Variants in ANO9 observed in about 807,000 individuals in gnomAD.
ANO9 encodes anoctamin-9.
In ANO9, 80 loss-of-function variants were observed where a neutral mutation model predicts 100.5. That is an observed-to-expected ratio of 0.80 (90% CI 0.66 to 0.96). ANO9 has a LOEUF of 0.96. Among genes scored for constraint, ANO9 ranks in the 40% least tolerant of loss-of-function variants. ANO9 has a pLI of 0.00. For missense variants in ANO9, 1,064 were observed against 1,072.7 expected (o/e 0.99, Z 0.11); for synonymous variants, 473 against 435.6 (o/e 1.09, Z -1.07).
intron 19 of ANO9, 25 bp downstream of exon 19, chr11:420,438 C>T: frequency 1.3e-6 from 2 of 1,596,770 alleles, no homozygotes; most frequent in Non-Finnish European, 8.5e-7. Flanking sequence ...CAGTTCCCGC[C>T]CATCCTGCGC....
At chr11:439,831 C>A (rs1206414589) in intron 1 of ANO9, among the ~76,000 whole-genome samples, 1 of 152,180 alleles carries the variant, frequency 6.6e-6, no homozygotes, top group African/African-American at 2.4e-5. Context: ...CTGCCCACCC[C>A]CCGGCCCCTC....
intron 19 of ANO9, 191 bp downstream of exon 19, chr11:420,272 G>GC (rs1848092227): frequency 7.0e-7 from 1 of 1,431,356 alleles, no homozygotes; most frequent in Non-Finnish European, 9.1e-7. Context: ...AAAGCGCTCG[G>GC]CCCCGCCCAC....
At chr11:434,691 G>A (rs1210035518) in intron 1 of ANO9, among the ~76,000 whole-genome samples, 2 of 152,226 alleles carry the variant, frequency 1.3e-5, no homozygotes, top group East Asian at 3.8e-4. Flanking sequence ...CCCTCACAGG[G>A]AGGATCCTGC....
At chr11:419,281 A>G in intron 20 of ANO9, 1 of 1,412,816 alleles carries the variant, frequency 7.1e-7, no homozygotes, top group African/African-American at 1.4e-5. Flanking sequence ...GATAAATCAG[A>G]AGAGGACATG....
chr11:432,736 T>C lies in ANO9; in HGVS notation c.350+578A>G. 1 of 154,510 alleles carries C rather than the reference T, an allele frequency of 6.5e-6. No homozygotes were observed. Among genetic ancestry groups the C allele is most frequent in the Non-Finnish European group, 1.4e-5 (1 of 69,888 alleles). 9.6% of individuals were successfully genotyped at this position (154,510 alleles called of 1,614,324 possible). ...ACTGCCTCGTAACCAATGCCAGGAG[T>C]GTCCTTGGCCGGTCCACCAAGCAGG... is the stretch of plus-strand genomic sequence containing the variant. On this transcript the variant is annotated intron_variant, in intron 4 of 22. Coordinates refer to ENST00000332826, the MANE Select transcript of ANO9 (RefSeq NM_001012302.3). The surrounding 1 kb of genome is among the most constrained non-coding windows in gnomAD (Gnocchi z 4.8).
At position 418,890 on chromosome 11, in the gene ANO9, G is replaced by A. The variant is rs773192364; in HGVS notation, c.2034C>T (p.Cys678=). The part of the protein sequence containing the change: ...GIEGSENVTL[C]RYRDYRNPPD... ...TTGGGGGATGGGGAGTTCCAAACCTGCACAGAGTCACGTTTTCTGAGCCCT... is the reference window on the plus strand; with the variant it reads ...TTGGGGGATGGGGAGTTCCAAACCTACACAGAGTCACGTTTTCTGAGCCCT... The change falls in exon 21 of 23, where the codon TGC becomes TGT. Residue 678 remains cysteine, a splice_region_variant and synonymous_variant. Coordinates refer to ENST00000332826, the MANE Select transcript of ANO9 (RefSeq NM_001012302.3). The A allele has an allele frequency of 4.3e-6, 7 of 1,613,502 alleles. No individual in the cohort carries two copies. The highest frequency in any genetic ancestry group is 5.9e-6 in the Non-Finnish European group (7 of 1,179,964).
At chr11:437,850 C>T (rs1845483549) in intron 1 of ANO9, among the ~76,000 whole-genome samples, 1 of 152,210 alleles carries the variant, frequency 6.6e-6, no homozygotes. Context: ...CCTCCTCTGC[C>T]CAGAACCCCA....
chr11:428,677 C>T (rs1288163704), intron 12 of ANO9, 38 bp from the exon 13 acceptor site: 2 of 1,612,044 alleles, frequency 1.2e-6, no homozygotes, highest in South Asian at 2.2e-5. Context: ...CCGGGGAGGG[C>T]ATGCAGCCCG....
intron 1 of ANO9, among the ~76,000 whole-genome samples, chr11:436,677 GAGTGAGCAGGA>G (rs1849579566): frequency 7.3e-6 from 1 of 136,712 alleles, no homozygotes; most frequent in Non-Finnish European, 1.6e-5. Flanking sequence ...AGTGAGCAGG[GAGTGAGCAGGA>G]GGTGAGCAGG....
At chr11:433,251 C>A (rs933046511) in intron 4 of ANO9, 63 bp downstream of exon 4, 8 of 1,579,152 alleles carry the variant, frequency 5.1e-6, no homozygotes, top group Non-Finnish European at 6.9e-6. Flanking sequence ...CCTGCCCGGT[C>A]TGGACCAATC....
At chr11:438,348 TGGAGTCCCCCCAACACACACAGCCAGAC>T in intron 1 of ANO9, among the ~76,000 whole-genome samples, 1 of 141,170 alleles carries the variant, frequency 7.1e-6, no homozygotes, top group Admixed American at 7.0e-5. Flanking sequence ...GCCAGACAGG[TGGAGTCCCCCCAACACACACAGCCAGAC>T]AGGTGTAGCC....
At chr11:420,311 C>G (rs139768617) in intron 19 of ANO9, 152 bp downstream of exon 19, 1 of 1,454,884 alleles carries the variant, frequency 6.9e-7, no homozygotes, top group Non-Finnish European at 9.0e-7. Context: ...CAGGCTCAAC[C>G]CGCATCCGAG....
At chr11:428,678 A>C (rs753511125) in intron 12 of ANO9, 39 bp from the exon 13 acceptor site, 2 of 1,612,034 alleles carry the variant, frequency 1.2e-6, no homozygotes, top group Non-Finnish European at 1.7e-6. Flanking sequence ...CGGGGAGGGC[A>C]TGCAGCCCGG....
At chr11:433,682 G>T in intron 3 of ANO9, 133 bp downstream of exon 3, 1 of 1,433,584 alleles carries the variant, frequency 7.0e-7, no homozygotes. Flanking sequence ...TCCAAGCCTG[G>T]CCCTCCGTGC....
rs146001206 is a variant in ANO9 at position 418,369 on chromosome 11, C to A, written c.*2G>T. On this transcript the variant is annotated 3_prime_UTR_variant, in exon 23 of 23. Transcript: ENST00000332826. ...CTGGTGGCCTCTGGACGGGCTCTGGCCCTACACGTCTGTGCTCCTGGCACT... is the reference window on the plus strand; with the variant it reads ...CTGGTGGCCTCTGGACGGGCTCTGGACCTACACGTCTGTGCTCCTGGCACT... 38 of 1,602,204 alleles carry A rather than the reference C, an allele frequency of 2.4e-5. No individual in the cohort carries two copies. In the African/African-American group the frequency reaches 4.8e-4, roughly 20 times the overall value.
intron 1 of ANO9, among the ~76,000 whole-genome samples, chr11:439,303 C>A (rs1845651387): frequency 6.6e-6 from 1 of 152,248 alleles, no homozygotes; most frequent in African/African-American, 2.4e-5. Flanking sequence ...AGTGAGGAAG[C>A]TTCTGGAGAC....
rs201747938 is a variant in ANO9, at chr11:419,643, G to C, written c.1873C>G (p.Pro625Ala). The change falls in exon 20 of 23, where the codon CCC (proline) becomes GCC (alanine). Residue 625 changes from proline (P) to alanine (A), a missense_variant. Physicochemically the swap from Pro to Ala is conservative, Grantham distance 27. Coordinates refer to ENST00000332826, the MANE Select transcript of ANO9 (RefSeq NM_001012302.3). ...MVIAFTSEFI[P>A]RVVYKYRYSP... is the part of the protein sequence containing the mutation. ...TAGCGGTACTTGTAGACCACTCGGG[G>C]GATGAACTCAGATGTGAAGGCAATG... 1 of 1,613,560 alleles carries C rather than the reference G, an allele frequency of 6.2e-7. No homozygotes were observed. Among genetic ancestry groups the C allele is most frequent in the East Asian group, 2.2e-5 (1 of 44,878 alleles).
At chr11:419,065 C>T in intron 20 of ANO9, 76 bp from the exon 21 acceptor site, 1 of 1,600,766 alleles carries the variant, frequency 6.2e-7, no homozygotes, top group Non-Finnish European at 8.5e-7. Context: ...GTGCTTCTAG[C>T]CTGCGTTGTG....
intron 3 of ANO9, 77 bp from the exon 4 acceptor site, chr11:433,536 A>T: frequency 6.6e-7 from 1 of 1,509,170 alleles, no homozygotes; most frequent in Non-Finnish European, 8.9e-7. Flanking sequence ...TCCCCCCTCT[A>T]TTCCACCTCA....
Sources: gnomAD v4.1 joint callset for allele counts (sites outside exome capture counted in the v4.1 genomes callset) on GRCh38, gnomAD v4.1.1 for gene constraint, Gnocchi (gnomAD v3.1) non-coding constraint, MANE v1.5 for transcripts, NCBI Gene and HGNC (gene_info 2026-07-23, HGNC 2026-07-21) for gene names.